The following GRB10 variants were observed in gnomAD, a reference collection of about 807,000 sequenced individuals.
GRB10 encodes growth factor receptor bound protein 10, also known as growth factor receptor-bound protein 10.
Under a neutral mutation model 80.9 loss-of-function variants are expected in GRB10, and 20 were observed. That is an observed-to-expected ratio of 0.25 (90% CI 0.17 to 0.36). The LOEUF (loss-of-function observed/expected upper bound fraction) is 0.36. Among genes scored for constraint, GRB10 ranks in the 10% least tolerant of loss-of-function variants. The probability of loss-of-function intolerance (pLI) is 1.00; values close to 1 mark genes in which losing one functional copy is unlikely to be tolerated. For synonymous variants in GRB10, 291 were observed against 291.5 expected, an observed-to-expected ratio of 1.00 and a Z score of 0.02; for missense variants, 548 against 747.7, an observed-to-expected ratio of 0.73 and a Z score of 3.12.
At chr7:50,710,325 C>T (rs970313659) in intron 4 of GRB10, among the ~76,000 whole-genome samples, 1 of 152,070 alleles carries the variant, frequency 6.6e-6, no homozygotes, top group Non-Finnish European at 1.5e-5. Context: ...TGCTCCACCA[C>T]CCACCTTTCA....
At chr7:50,634,596 C>G (rs559266400) in intron 7 of GRB10, among the ~76,000 whole-genome samples, 110 of 152,224 alleles carry the variant, frequency 7.2e-4, no homozygotes, top group African/African-American at 2.5e-3. Context: ...CATGGACTGG[C>G]AAACTGGATA....
At chr7:50,680,912 G>C (rs1397639963) in intron 5 of GRB10, among the ~76,000 whole-genome samples, 1 of 151,908 alleles carries the variant, frequency 6.6e-6, no homozygotes, top group Non-Finnish European at 1.5e-5. Context: ...CTGCTACCTT[G>C]AAACTCCATC....
In GRB10 at chr7:50,616,207, C is replaced by T; in HGVS notation, c.984+3G>A. On this transcript the variant is annotated splice_donor_region_variant and intron_variant, in intron 11 of 18. Transcript: ENST00000401949. ...GCTGGTGGTGGTAGCTTTTAAAGCT[C>T]ACCTTTGAAGTTCCCTTGGTGGAGC... 12 of 1,614,146 alleles carry T rather than the reference C, an allele frequency of 7.4e-6. No homozygotes were observed. The highest frequency in any genetic ancestry group is 1.0e-5 in the Non-Finnish European group (12 of 1,180,016).
At chr7:50,744,410 T>G (rs1276119122) in intron 3 of GRB10, among the ~76,000 whole-genome samples, 1 of 152,062 alleles carries the variant, frequency 6.6e-6, no homozygotes, top group South Asian at 2.1e-4. Flanking sequence ...CTGAACAAGG[T>G]AGGAGTTGGA....
intron 4 of GRB10, among the ~76,000 whole-genome samples, chr7:50,716,995 G>A (rs1045667793): frequency 2.6e-5 from 4 of 152,234 alleles, no homozygotes; most frequent in African/African-American, 9.6e-5. Flanking sequence ...AGCACTTTCT[G>A]CATTCCCGCT....
At chr7:50,756,576 G>A (rs1323485229) in intron 2 of GRB10, among the ~76,000 whole-genome samples, 1 of 152,242 alleles carries the variant, frequency 6.6e-6, no homozygotes, top group African/African-American at 2.4e-5. Flanking sequence ...GTGCAGAGCA[G>A]GCAGACCTGG....
chr7:50,673,352 C>A (rs2060560884), intron 6 of GRB10, among the ~76,000 whole-genome samples: 1 of 152,152 alleles, frequency 6.6e-6, no homozygotes, highest in African/African-American at 2.4e-5. Context: ...TTGAGGGCTG[C>A]CCCTGGCTCT....
chr7:50,612,617 A>G (rs2049762475), intron 13 of GRB10, 124 bp downstream of exon 13: 5 of 723,564 alleles, frequency 6.9e-6, no homozygotes, highest in Middle Eastern at 3.6e-4. Context: ...TTTGATAAAT[A>G]AAATATTGTG....
chr7:50,670,109 G>T (rs530262674), intron 6 of GRB10, among the ~76,000 whole-genome samples: 4 of 152,330 alleles, frequency 2.6e-5, no homozygotes, highest in African/African-American at 9.6e-5. Flanking sequence ...CCATGAAAAA[G>T]GAAGCACATT....
chr7:50,655,862 C>T lies in GRB10; in HGVS notation c.504+13860G>A, dbSNP rs115421033. On this transcript the variant is annotated intron_variant, in intron 7 of 18. Coordinates refer to ENST00000401949, the MANE Select transcript of GRB10 (RefSeq NM_001350814.2). ...TTCCCTCTTTCTGGAACACTGTATG[C>T]CTTCCAAGGCACTTAAGGATTCCTC... Among the ~76,000 whole-genome samples the T allele has an allele frequency of 2.8e-3, 419 of 152,332 alleles. 2 individuals carry two copies. Among genetic ancestry groups the T allele is most frequent in the African/African-American group, 9.6e-3 (399 of 41,572 alleles).
intron 4 of GRB10, among the ~76,000 whole-genome samples, chr7:50,704,155 T>C (rs771604305): frequency 6.6e-6 from 1 of 151,798 alleles, no homozygotes; most frequent in Non-Finnish European, 1.5e-5. Flanking sequence ...TTAAATAGCT[T>C]TCCCTGAATA....
intron 4 of GRB10, among the ~76,000 whole-genome samples, chr7:50,730,136 C>G (rs145933603): frequency 6.6e-5 from 10 of 152,268 alleles, no homozygotes; most frequent in Admixed American, 6.5e-4. Context: ...GTGTCACATT[C>G]TAAAGGAAAA....
intron 17 of GRB10, among the ~76,000 whole-genome samples, chr7:50,598,731 T>G (rs1585433952): frequency 6.6e-6 from 1 of 152,174 alleles, no homozygotes; most frequent in Non-Finnish European, 1.5e-5. Context: ...AAAGTATCCC[T>G]CTTACAAGGG....
chr7:50,595,422 A>T lies in GRB10; in HGVS notation c.1638+15T>A, dbSNP rs778813008. On this transcript the variant is annotated intron_variant, in intron 18 of 18. Coordinates refer to ENST00000401949, the MANE Select transcript of GRB10 (RefSeq NM_001350814.2). ...AACAAACCACAAGGACTGGTCTGAG[A>T]ACATCAATACTTACAGGTAAGATCT... The T allele has an allele frequency of 1.5e-6, 2 of 1,333,976 alleles. No individual in the cohort carries two copies. The highest frequency in any genetic ancestry group is 2.3e-5 in the South Asian group (2 of 85,524). The allele number at this position is 1,333,976 out of a possible 1,614,324, so 82.6% of individuals were successfully genotyped here. A position where few individuals can be genotyped will look rare whatever the true frequency, so the allele number is the denominator to read the frequency against.
chr7:50,730,968 G>A (rs980005586), intron 4 of GRB10, among the ~76,000 whole-genome samples: 2 of 152,194 alleles, frequency 1.3e-5, no homozygotes, highest in Admixed American at 1.3e-4. Context: ...GGGGTGAAGG[G>A]TGCAGTCGGG....
At chr7:50,672,578 G>A (rs1333410501) in intron 6 of GRB10, among the ~76,000 whole-genome samples, 1 of 152,070 alleles carries the variant, frequency 6.6e-6, no homozygotes, top group Non-Finnish European at 1.5e-5. Context: ...GTAGGGAGAG[G>A]GCTTTGCTGT....
chr7:50,683,297 G>A (rs900340065), intron 5 of GRB10, among the ~76,000 whole-genome samples: 4 of 152,214 alleles, frequency 2.6e-5, no homozygotes, highest in African/African-American at 9.6e-5. Flanking sequence ...TGGTGGCCAG[G>A]GGCTAGGGAA....
chr7:50,637,036 G>T (rs1212198849), intron 7 of GRB10, among the ~76,000 whole-genome samples: 1 of 152,152 alleles, frequency 6.6e-6, no homozygotes, highest in African/African-American at 2.4e-5. Flanking sequence ...GAATGCAGTG[G>T]CGTGATCTCA....
chr7:50,665,690 G>A (rs2059726233), intron 7 of GRB10, among the ~76,000 whole-genome samples: 1 of 152,204 alleles, frequency 6.6e-6, no homozygotes, highest in Admixed American at 6.5e-5. Context: ...CACTGCTTCT[G>A]TAGAAGCACC....
Sources: gnomAD v4.1 joint callset for allele counts (sites outside exome capture counted in the v4.1 genomes callset) on GRCh38, gnomAD v4.1.1 for gene constraint, MANE v1.5 for transcripts, NCBI Gene and HGNC (gene_info 2026-07-23, HGNC 2026-07-21) for gene names.